Variants in LRP1B observed in about 807,000 individuals in gnomAD.
LRP1B encodes the protein low-density lipoprotein receptor-related protein 1B.
A neutral mutation model predicts 556.6 loss-of-function variants in LRP1B; 217 were observed. That is an observed-to-expected ratio of 0.39 (90% CI 0.35 to 0.44). The LOEUF is 0.44. Ranked by LOEUF, LRP1B falls within the 20% of genes least tolerant of loss-of-function variation. The probability of loss-of-function intolerance (pLI) is 1.00; values close to 1 mark genes in which losing one functional copy is unlikely to be tolerated. For synonymous variants in LRP1B, 2,047 were observed against 1,865.8 expected, an observed-to-expected ratio of 1.10 and a Z score of -2.50; for missense variants, 5,053 against 5,620.8, an observed-to-expected ratio of 0.90 and a Z score of 3.23.
At chr2:140,691,931 T>C (rs1052471612) in intron 41 of LRP1B, among the ~76,000 whole-genome samples, 19 of 152,156 alleles carry the variant, frequency 1.2e-4, no homozygotes, top group Non-Finnish European at 1.5e-5. Flanking sequence ...TTAAGAACAA[T>C]CTTATTATAG....
chr2:141,640,227 G>C (rs6429916), intron 2 of LRP1B, among the ~76,000 whole-genome samples: 2 of 151,848 alleles, frequency 1.3e-5, no homozygotes, highest in Non-Finnish European at 1.5e-5. Flanking sequence ...ATAATTACTC[G>C]TAAAACTATC....
intron 47 of LRP1B, among the ~76,000 whole-genome samples, chr2:140,528,437 TAAAG>T (rs1357246904): frequency 6.6e-6 from 1 of 151,806 alleles, no homozygotes; most frequent in Non-Finnish European, 1.5e-5. Flanking sequence ...AGGAAATAGA[TAAAG>T]GAAGAAGTTC....
intron 86 of LRP1B, among the ~76,000 whole-genome samples, chr2:140,266,219 A>G (rs564280887): frequency 6.6e-6 from 1 of 152,094 alleles, no homozygotes; most frequent in South Asian, 2.1e-4. Context: ...TGATTAATTA[A>G]CTGTAGTCTG....
chr2:140,597,537 C>T (rs1207488757), intron 43 of LRP1B, among the ~76,000 whole-genome samples: 2 of 152,090 alleles, frequency 1.3e-5, no homozygotes, highest in African/African-American at 4.8e-5. Flanking sequence ...TATACTTTTG[C>T]ATTATATCTT....
chr2:140,942,009 T>G (rs1439083926), intron 20 of LRP1B, among the ~76,000 whole-genome samples: 1 of 151,982 alleles, frequency 6.6e-6, no homozygotes, highest in East Asian at 1.9e-4. Context: ...CTCAATGAGA[T>G]CCAAAACAAT....
chr2:141,439,446 T>C (rs1248917618), intron 3 of LRP1B, among the ~76,000 whole-genome samples: 4 of 146,536 alleles, frequency 2.7e-5, no homozygotes, highest in Admixed American at 1.3e-4. Flanking sequence ...TGAAGAAAAT[T>C]AATAATTTTT....
chr2:142,064,228 A>AT (rs1275228388), intron 1 of LRP1B, among the ~76,000 whole-genome samples: 1 of 151,334 alleles, frequency 6.6e-6, no homozygotes, highest in African/African-American at 2.4e-5. Context: ...TCTGTACTCT[A>AT]TTTTTCAAGA....
rs529843717 is a variant in LRP1B, at chr2:141,980,621, C to T, written c.82+150027G>A. Among the ~76,000 whole-genome samples, 3 of 152,082 alleles carry T rather than the reference C, an allele frequency of 2.0e-5. No homozygotes were observed. The East Asian group carries it at 5.8e-4, about 29-fold the overall frequency. On this transcript the variant is annotated intron_variant, in intron 1 of 90. Coordinates refer to ENST00000389484, the MANE Select transcript of LRP1B (RefSeq NM_018557.3). ...AAATTCAAAACCAAGGATCACAAACCAGATGAGAGTATAAGACAAATCAAT... is the reference window on the plus strand; with the variant it reads ...AAATTCAAAACCAAGGATCACAAACTAGATGAGAGTATAAGACAAATCAAT...
Position 140,717,529 on chromosome 2 carries a change from A to C in LRP1B, c.5759-713T>G, listed in dbSNP as rs146213947. Among the ~76,000 whole-genome samples, 728 of 152,234 alleles carry C rather than the reference A, an allele frequency of 4.8e-3. 7 individuals carry two copies. The highest frequency in any genetic ancestry group is 0.015 in the African/African-American group (631 of 41,542). ...GTACTTTTTGAATACTTGAATGAAA[A>C]ATGTGTCTAAAGACTATAAATGAAA... On this transcript the variant is annotated intron_variant, in intron 35 of 90. Transcript: ENST00000389484.
chr2:141,795,363 A>C (rs573249242), intron 2 of LRP1B, among the ~76,000 whole-genome samples: 1 of 152,208 alleles, frequency 6.6e-6, no homozygotes, highest in Non-Finnish European at 1.5e-5. Context: ...AAAAAATATT[A>C]TGTTGTGTGT....
chr2:141,099,191 T>C (rs1411786832), intron 7 of LRP1B, among the ~76,000 whole-genome samples: 4 of 152,280 alleles, frequency 2.6e-5, no homozygotes, highest in South Asian at 4.1e-4. Flanking sequence ...TCACCCATAA[T>C]TGGCTTTCAG....
At chr2:140,922,766 C>T (rs1247316187) in intron 21 of LRP1B, among the ~76,000 whole-genome samples, 199 bp downstream of exon 21, 2 of 152,000 alleles carry the variant, frequency 1.3e-5, no homozygotes, top group Non-Finnish European at 1.5e-5. Flanking sequence ...CTCATGAATC[C>T]AATGCGGAGA....
At chr2:141,284,414 A>C (rs927863270) in intron 3 of LRP1B, among the ~76,000 whole-genome samples, 1 of 152,210 alleles carries the variant, frequency 6.6e-6, no homozygotes, top group African/African-American at 2.4e-5. Context: ...GGAAATACGT[A>C]TAGGATGTAC....
chr2:141,801,479 C>G (rs1253010573), intron 2 of LRP1B, among the ~76,000 whole-genome samples: 2 of 152,104 alleles, frequency 1.3e-5, no homozygotes, highest in Non-Finnish European at 2.9e-5. Context: ...AACGAGATAG[C>G]TTTGCAAAGA....
At chr2:140,830,760 G>A (rs1301278860) in intron 31 of LRP1B, among the ~76,000 whole-genome samples, 1 of 151,938 alleles carries the variant, frequency 6.6e-6, no homozygotes, top group East Asian at 1.9e-4. Context: ...AACTAGAAAG[G>A]AAGAAGGCAA....
At chr2:141,272,213 A>G (rs906172468) in intron 3 of LRP1B, among the ~76,000 whole-genome samples, 1 of 152,120 alleles carries the variant, frequency 6.6e-6, no homozygotes, top group African/African-American at 2.4e-5. Context: ...TTATTTATAT[A>G]TGAGTAACAT....
intron 25 of LRP1B, among the ~76,000 whole-genome samples, chr2:140,880,477 A>AGGT (rs537601776): frequency 5.8e-4 from 89 of 152,278 alleles, no homozygotes; most frequent in African/African-American, 2.1e-3. Context: ...CTGGGAGATC[A>AGGT]GGTCAAAATC....
At position 141,053,962 on chromosome 2, in the gene LRP1B, A is replaced by G. The variant is rs546534663; in HGVS notation, c.1552+1154T>C. ...ATGAGGCTTCAAACTCAGTACCCTC[A>G]ATTATCCAGAAGGCCTAGAAACATG... On this transcript the variant is annotated intron_variant, in intron 10 of 90. Transcript: ENST00000389484. 3.9e-5 allele frequency among the ~76,000 whole-genome samples: 6 copies of G among 152,042 alleles called. No individual in the cohort carries two copies. In the South Asian group the frequency reaches 6.2e-4, roughly 16 times the overall value.
chr2:140,783,312 G>T (rs960099247), intron 32 of LRP1B, among the ~76,000 whole-genome samples: 9 of 151,802 alleles, frequency 5.9e-5, no homozygotes, highest in Non-Finnish European at 1.2e-4. Flanking sequence ...GTCTAAAATA[G>T]AAAATATACC....
Sources: allele counts gnomAD v4.1 joint callset (sites outside exome capture counted in the v4.1 genomes callset), GRCh38; gene constraint gnomAD v4.1.1; transcripts MANE v1.5; gene names NCBI Gene and HGNC (gene_info 2026-07-23, HGNC 2026-07-21).